The following ATP13A4 variants were observed in gnomAD, a reference collection of about 807,000 sequenced individuals.
ATP13A4 encodes ATPase 13A4.
A neutral mutation model predicts 142.5 loss-of-function variants in ATP13A4; 114 were observed. The ratio of observed to expected loss-of-function variants is 0.80; its 90% CI spans 0.69 to 0.93. The LOEUF (loss-of-function observed/expected upper bound fraction) is 0.93. Ranked by LOEUF, ATP13A4 falls within the 40% of genes least tolerant of loss-of-function variation. The probability of loss-of-function intolerance (pLI) is 0.00; values close to 1 mark genes in which losing one functional copy is unlikely to be tolerated. For synonymous variants in ATP13A4, 488 were observed against 514.8 expected, an observed-to-expected ratio of 0.95 and a Z score of 0.70; for missense variants, 1,392 against 1,454.0, an observed-to-expected ratio of 0.96 and a Z score of 0.69.
At chr3:193,499,044 T>C (rs574233213) in intron 3 of ATP13A4, among the ~76,000 whole-genome samples, 27 of 152,380 alleles carry the variant, frequency 1.8e-4, no homozygotes, top group Admixed American at 3.9e-4. Flanking sequence ...GAATGCTAAC[T>C]CTATGCAATA....
In ATP13A4 at chr3:193,462,221, TCA is replaced by T. The variant is rs1491573846; in HGVS notation, c.1523+539_1523+540del. On this transcript the variant is annotated intron_variant, in intron 13 of 29. Transcript: ENST00000342695. ...TGGGCGACAAGAGTGAAACTCCGTC[TCA>T]AAAAAAAAAAAAAAAGAAAAAAGAG... Among the ~76,000 whole-genome samples the T allele has an allele frequency of 2.8e-3, 261 of 92,894 alleles. 4 individuals are homozygous for T. The highest frequency in any genetic ancestry group is 0.01 in the African/African-American group (249 of 24,250). The allele number at this position is 92,894 out of a possible 152,430, so 60.9% of individuals were successfully genotyped here.
intron 17 of ATP13A4, among the ~76,000 whole-genome samples, chr3:193,449,171 T>C (rs921556468): frequency 3.3e-5 from 5 of 152,234 alleles, no homozygotes; most frequent in African/African-American, 1.2e-4. Context: ...CGTGAATGTT[T>C]CTGCAAATAG....
intron 2 of ATP13A4, among the ~76,000 whole-genome samples, chr3:193,580,812 A>C (rs1351285380): frequency 3.3e-5 from 5 of 152,226 alleles, no homozygotes; most frequent in Admixed American, 3.3e-4. Flanking sequence ...AGAGGCATAG[A>C]AACTTCAAAA....
intron 1 of ATP13A4, among the ~76,000 whole-genome samples, chr3:193,526,399 G>A (rs1025671879): frequency 2.0e-5 from 3 of 152,142 alleles, no homozygotes; most frequent in Non-Finnish European, 4.4e-5. Context: ...GTTGAACAAT[G>A]AGAACACATG....
chr3:193,463,273 A>G (rs1431524676), intron 12 of ATP13A4, among the ~76,000 whole-genome samples: 2 of 152,130 alleles, frequency 1.3e-5, no homozygotes, highest in African/African-American at 2.4e-5. Context: ...CTAATGGTAG[A>G]CTGAATGGAT....
intron 1 of ATP13A4, chr3:193,553,470 A>C (rs1723705431): frequency 6.6e-6 from 1 of 152,260 alleles, no homozygotes; most frequent in South Asian, 2.1e-4. Context: ...AAGAGTATTC[A>C]AGATGAAGAT....
intron 25 of ATP13A4, among the ~76,000 whole-genome samples, chr3:193,427,297 A>G (rs1156323856): frequency 6.6e-6 from 1 of 152,218 alleles, no homozygotes; most frequent in East Asian, 1.9e-4. Context: ...TCAACGAAAT[A>G]AAAGAGGACA....
intron 1 of ATP13A4, among the ~76,000 whole-genome samples, chr3:193,526,669 C>T (rs1336214133): frequency 1.3e-5 from 2 of 151,920 alleles, no homozygotes; most frequent in Non-Finnish European, 2.9e-5. Flanking sequence ...GATTTTGATC[C>T]TGTAAACTTC....
rs1174359923 is a variant in ATP13A4 at position 193,582,979 on chromosome 3, T to TA, written n.92-1074dup. On this transcript the variant is annotated intron_variant and non_coding_transcript_variant, in intron 1 of 3. Transcript: ENST00000489140. ...TACATATATATAAAATATATATATG[T>TA]ATATTACATATATATAAAATATATA... Among the ~76,000 whole-genome samples, 2 of 85,506 alleles carry TA rather than the reference T, an allele frequency of 2.3e-5. 1 individual carries two copies. The highest frequency in any genetic ancestry group is 1.2e-4 in the African/African-American group (2 of 17,048). The allele number at this position is 85,506 out of a possible 152,430, so 56.1% of individuals were successfully genotyped here.
chr3:193,586,391 T>C (rs1724670957), intron 1 of ATP13A4, among the ~76,000 whole-genome samples: 1 of 152,224 alleles, frequency 6.6e-6, no homozygotes, highest in Non-Finnish European at 1.5e-5. Context: ...TTCCGTGACG[T>C]AAGAAATCCT....
intron 17 of ATP13A4, 33 bp downstream of exon 17, chr3:193,454,068 C>G: frequency 6.5e-7 from 1 of 1,550,268 alleles, no homozygotes; most frequent in South Asian, 1.1e-5. Flanking sequence ...TTCCATCAAA[C>G]CTTTCTGCTT....
chr3:193,526,365 A>T (rs1722002730), intron 1 of ATP13A4, among the ~76,000 whole-genome samples: 1 of 152,128 alleles, frequency 6.6e-6, no homozygotes, highest in South Asian at 2.1e-4. Flanking sequence ...ACCAAACACC[A>T]CATTTTCTCC....
At chr3:193,420,894 C>A (rs928197442) in intron 25 of ATP13A4, among the ~76,000 whole-genome samples, 2 of 149,402 alleles carry the variant, frequency 1.3e-5, no homozygotes, top group Non-Finnish European at 1.5e-5. Context: ...TATAAAAGAA[C>A]AAAGACAAGC....
chr3:193,412,477 A>C, intron 26 of ATP13A4, 106 bp from the exon 27 acceptor site: 3 of 884,672 alleles, frequency 3.4e-6, no homozygotes, highest in Non-Finnish European at 3.7e-6. Context: ...CAGGCACTCA[A>C]TGCTTCTACA....
chr3:193,567,733 T>C (rs1007073574), intron 2 of ATP13A4, among the ~76,000 whole-genome samples: 1 of 152,104 alleles, frequency 6.6e-6, no homozygotes, highest in African/African-American at 2.4e-5. Flanking sequence ...ACCAGGATGT[T>C]TTCTTCTTCC....
At chr3:193,462,944 A>G (rs1226785134) in intron 12 of ATP13A4, 121 bp from the exon 13 acceptor site, 4 of 934,712 alleles carry the variant, frequency 4.3e-6, no homozygotes, top group East Asian at 5.1e-5. Flanking sequence ...CAGGAGTTTA[A>G]GACCAGCCTG....
chr3:193,522,880 TTC>T (rs113978380), intron 1 of ATP13A4, among the ~76,000 whole-genome samples: 4,507 of 152,280 alleles, frequency 0.03, 213 homozygotes, highest in African/African-American at 0.1. Flanking sequence ...AAATTAAAAC[TTC>T]TCTTTCTGAT....
chr3:193,516,443 T>A (rs1160611970), intron 1 of ATP13A4, among the ~76,000 whole-genome samples: 1 of 152,218 alleles, frequency 6.6e-6, no homozygotes, highest in Non-Finnish European at 1.5e-5. Flanking sequence ...TGAATACTCT[T>A]CTGCTCCAAG....
intron 29 of ATP13A4, among the ~76,000 whole-genome samples, chr3:193,405,473 T>G (rs1714448815): frequency 6.6e-6 from 1 of 152,180 alleles, no homozygotes; most frequent in Admixed American, 6.5e-5. Context: ...AGGTTCAGAC[T>G]TGCTGGAAAT....
Sources: allele counts gnomAD v4.1 joint callset (sites outside exome capture counted in the v4.1 genomes callset), GRCh38; gene constraint gnomAD v4.1.1; transcripts MANE v1.5; gene names NCBI Gene and HGNC (gene_info 2026-07-23, HGNC 2026-07-21).